Variants in MYRIP observed in about 807,000 individuals in gnomAD.
MYRIP encodes rab effector MyRIP.
Under a neutral mutation model 98.0 loss-of-function variants are expected in MYRIP, and 49 were observed. The ratio of observed to expected loss-of-function variants is 0.50; its 90% CI spans 0.40 to 0.63. The LOEUF (loss-of-function observed/expected upper bound fraction) is 0.63. Ranked by LOEUF, MYRIP falls within the 30% of genes least tolerant of loss-of-function variation. The probability of loss-of-function intolerance (pLI) is 0.00; values close to 1 mark genes in which losing one functional copy is unlikely to be tolerated. For missense variants in MYRIP, 1,004 were observed against 1,058.2 expected, an observed-to-expected ratio of 0.95 and a Z score of 0.71; for synonymous variants, 404 against 409.5, an observed-to-expected ratio of 0.99 and a Z score of 0.16.
chr3:40,088,205 A>G (rs1415568917), intron 3 of MYRIP, among the ~76,000 whole-genome samples: 1 of 152,122 alleles, frequency 6.6e-6, no homozygotes, highest in Non-Finnish European at 1.5e-5. Flanking sequence ...GGGGGGACAG[A>G]TGTTGGAACT....
chr3:39,918,886 A>G (rs920444140), intron 2 of MYRIP, among the ~76,000 whole-genome samples: 14 of 152,106 alleles, frequency 9.2e-5, no homozygotes, highest in African/African-American at 3.1e-4. Context: ...GCCCTCAGGG[A>G]GACTAGATGG....
At chr3:39,976,642 A>G (rs1428618845) in intron 2 of MYRIP, among the ~76,000 whole-genome samples, 1 of 152,208 alleles carries the variant, frequency 6.6e-6, no homozygotes, top group African/African-American at 2.4e-5. Flanking sequence ...CTTGGAACCA[A>G]CCCAAATGTC....
intron 1 of MYRIP, among the ~76,000 whole-genome samples, chr3:39,877,802 C>G (rs1230503752): frequency 6.6e-5 from 10 of 152,154 alleles, no homozygotes; most frequent in Non-Finnish European, 1.0e-4. Context: ...GGTCAGGGAC[C>G]CACTTGAGGA....
chr3:40,244,024 C>G (rs1332417273), intron 12 of MYRIP, among the ~76,000 whole-genome samples: 1 of 152,090 alleles, frequency 6.6e-6, no homozygotes, highest in African/African-American at 2.4e-5. Flanking sequence ...AATTATTTCC[C>G]CTCTTTCTTG....
chr3:40,249,275 C>T (rs899663792), intron 13 of MYRIP, among the ~76,000 whole-genome samples: 9 of 152,178 alleles, frequency 5.9e-5, no homozygotes, highest in African/African-American at 2.2e-4. Flanking sequence ...GACCTCTTCC[C>T]TTGACTCTGC....
chr3:40,059,798 G>A (rs1441769231), intron 3 of MYRIP, among the ~76,000 whole-genome samples: 1 of 152,078 alleles, frequency 6.6e-6, no homozygotes, highest in Non-Finnish European at 1.5e-5. Context: ...TTTTGTGGTT[G>A]CCCCGTGAAG....
At chr3:39,869,563 A>G (rs1487117030) in intron 1 of MYRIP, among the ~76,000 whole-genome samples, 2 of 152,216 alleles carry the variant, frequency 1.3e-5, no homozygotes, top group Admixed American at 6.5e-5. Context: ...ATAAGGGAGT[A>G]GAGAGCCTAG....
intron 4 of MYRIP, among the ~76,000 whole-genome samples, chr3:40,160,179 A>G (rs1392179186): frequency 1.3e-5 from 2 of 152,150 alleles, no homozygotes; most frequent in Admixed American, 6.5e-5. Context: ...TTTGGTGTGG[A>G]TATCCTTTCT....
chr3:40,228,131 C>T (rs1952541576), intron 11 of MYRIP, among the ~76,000 whole-genome samples: 1 of 152,076 alleles, frequency 6.6e-6, no homozygotes, highest in African/African-American at 2.4e-5. Flanking sequence ...ACTCAGGGCC[C>T]CCATGGATAT....
Position 40,019,723 on chromosome 3 carries a change from C to G in MYRIP, c.111-24327C>G, listed in dbSNP as rs72871417. Reference sequence around the variant, plus strand: ...AAGGGAAACAATTCAATCCCCCCCCCGCTTTTTTTTGTTAGACAACACATA... The same window carrying G: ...AAGGGAAACAATTCAATCCCCCCCCGGCTTTTTTTTGTTAGACAACACATA... On this transcript the variant is annotated intron_variant, in intron 2 of 16. Transcript: ENST00000302541. 3.0e-4 allele frequency among the ~76,000 whole-genome samples: 46 copies of G among 151,190 alleles called. No individual in the cohort carries two copies. The East Asian group carries it at 5.3e-3, about 18-fold the overall frequency.
At chr3:39,821,815 A>G (rs1941110617) in intron 1 of MYRIP, among the ~76,000 whole-genome samples, 1 of 151,916 alleles carries the variant, frequency 6.6e-6, no homozygotes, top group South Asian at 2.1e-4. Flanking sequence ...CAGTTATTTG[A>G]AATTTGTTGA....
chr3:39,994,400 C>A (rs566035675), intron 2 of MYRIP, among the ~76,000 whole-genome samples: 4 of 152,368 alleles, frequency 2.6e-5, no homozygotes, highest in East Asian at 3.9e-4. Context: ...TATCCCGTGC[C>A]TGGCTCGGAG....
At chr3:39,898,849 G>A (rs1266219305) in intron 1 of MYRIP, among the ~76,000 whole-genome samples, 4 of 152,000 alleles carry the variant, frequency 2.6e-5, no homozygotes, top group Non-Finnish European at 5.9e-5. Flanking sequence ...TAAATAATAA[G>A]CATATTCCTT....
chr3:39,923,719 A>G (rs1944354762), intron 2 of MYRIP, among the ~76,000 whole-genome samples: 1 of 152,184 alleles, frequency 6.6e-6, no homozygotes, highest in Non-Finnish European at 1.5e-5. Flanking sequence ...AAATATTGAT[A>G]AATACAATAG....
intron 2 of MYRIP, among the ~76,000 whole-genome samples, chr3:39,990,998 G>C (rs935326134): frequency 6.6e-6 from 1 of 152,214 alleles, no homozygotes; most frequent in South Asian, 2.1e-4. Flanking sequence ...GGGGCCTGTC[G>C]GGGAGTGTGG....
At chr3:40,075,478 A>C (rs1269334081) in intron 3 of MYRIP, among the ~76,000 whole-genome samples, 2 of 152,218 alleles carry the variant, frequency 1.3e-5, no homozygotes, top group Non-Finnish European at 2.9e-5. Flanking sequence ...CCTGGGTGCA[A>C]ATCCCAACTT....
chr3:39,957,728 G>A (rs1369740091), intron 2 of MYRIP, among the ~76,000 whole-genome samples: 1 of 152,120 alleles, frequency 6.6e-6, no homozygotes, highest in Non-Finnish European at 1.5e-5. Context: ...AGAAAAGGAG[G>A]AAGTCAAATT....
At chr3:40,239,402 T>G (rs1188485815) in intron 12 of MYRIP, among the ~76,000 whole-genome samples, 2 of 149,668 alleles carry the variant, frequency 1.3e-5, no homozygotes, top group Admixed American at 6.6e-5. Context: ...GCATGATTCA[T>G]AATCCTTTGG....
At position 39,957,296 on chromosome 3, in the gene MYRIP, C is replaced by T. The variant is rs1350706239; in HGVS notation, c.110+56370C>T. On this transcript the variant is annotated intron_variant, in intron 2 of 16. Coordinates refer to ENST00000302541, the MANE Select transcript of MYRIP (RefSeq NM_015460.4). ...AATCCCCAATAAAATACTGGCAAAC[C>T]GAATCCAGCAGCATATCAAAAAGCT... 1.2e-4 allele frequency among the ~76,000 whole-genome samples: 18 copies of T among 151,686 alleles called. 1 individual carries two copies. Among genetic ancestry groups the T allele is most frequent in the East Asian group, 3.9e-4 (2 of 5,194 alleles).
Sources: gnomAD v4.1 joint callset for allele counts (sites outside exome capture counted in the v4.1 genomes callset) on GRCh38, gnomAD v4.1.1 for gene constraint, MANE v1.5 for transcripts, NCBI Gene and HGNC (gene_info 2026-07-23, HGNC 2026-07-21) for gene names.